Variants in KIAA1217 observed in about 807,000 individuals in gnomAD.
KIAA1217 encodes the protein KIAA1217.
KIAA1217 carries 88 observed loss-of-function variants against 163.9 expected under a neutral mutation model. The observed-to-expected ratio is 0.54, with a 90% CI of 0.45 to 0.64. KIAA1217 has a LOEUF of 0.64. KIAA1217 is among the 30% of genes least tolerant of loss of function. The pLI is 0.00. For missense variants in KIAA1217, 2,372 were observed against 2,475.0 expected, an observed-to-expected ratio of 0.96 and a Z score of 0.88; for synonymous variants, 903 against 923.1, an observed-to-expected ratio of 0.98 and a Z score of 0.39.
chr10:23,774,859 A>G (rs547577125), intron 1 of KIAA1217, among the ~76,000 whole-genome samples: 3 of 152,326 alleles, frequency 2.0e-5, no homozygotes. Context: ...AGAAAGCTTT[A>G]ACATTTTTTA....
At chr10:24,536,973 C>T (rs576560547) in intron 17 of KIAA1217, 80 bp downstream of exon 17, 5 of 1,520,350 alleles carry the variant, frequency 3.3e-6, no homozygotes, top group East Asian at 4.6e-5. Context: ...CTCTTATACT[C>T]GACCTTTGTC....
chr10:23,914,221 G>A (rs1842551767), intron 1 of KIAA1217, among the ~76,000 whole-genome samples: 1 of 152,168 alleles, frequency 6.6e-6, no homozygotes, highest in African/African-American at 2.4e-5. Flanking sequence ...TAGAGGCAGA[G>A]TGCAGCTTAC....
Position 23,744,427 on chromosome 10 carries a change from G to A in KIAA1217, c.-321+49193G>A, listed in dbSNP as rs942971954. 8.5e-5 allele frequency among the ~76,000 whole-genome samples: 13 copies of A among 152,300 alleles called. No individual in the cohort carries two copies. In the East Asian group the frequency reaches 2.5e-3, roughly 29 times the overall value. On this transcript the variant is annotated intron_variant, in intron 1 of 18. Transcript: ENST00000376462. ...CCTCAGAGGACACACTAGGGGAAGG[G>A]AAATTGAGGAGGTGTCAGTGGAAGG...
At chr10:24,497,027 A>G (rs1199949149) in intron 8 of KIAA1217, among the ~76,000 whole-genome samples, 1 of 152,154 alleles carries the variant, frequency 6.6e-6, no homozygotes, top group African/African-American at 2.4e-5. Flanking sequence ...CTAGGTTTGG[A>G]CTTTCTCACT....
At chr10:24,443,916 A>G (rs1030674906) in intron 5 of KIAA1217, among the ~76,000 whole-genome samples, 1 of 152,150 alleles carries the variant, frequency 6.6e-6, no homozygotes. Context: ...AAATGTTGAA[A>G]AATGTCAAAG....
At chr10:23,987,330 T>C (rs1846016940) in intron 1 of KIAA1217, among the ~76,000 whole-genome samples, 1 of 145,026 alleles carries the variant, frequency 6.9e-6, no homozygotes, top group Non-Finnish European at 1.5e-5. Context: ...TGAGCTGAGA[T>C]TGCAACACCG....
chr10:24,440,574 C>T (rs779800817), intron 5 of KIAA1217, among the ~76,000 whole-genome samples: 14 of 152,132 alleles, frequency 9.2e-5, no homozygotes, highest in Non-Finnish European at 2.1e-4. Context: ...GAATATTGAC[C>T]GTATGAACAA....
intron 2 of KIAA1217, among the ~76,000 whole-genome samples, chr10:24,296,357 C>G (rs1174372227): frequency 6.6e-6 from 1 of 152,156 alleles, no homozygotes; most frequent in Non-Finnish European, 1.5e-5. Flanking sequence ...GTCCTCCCGC[C>G]TAGGCTTTCC....
chr10:23,849,116 A>G (rs1839183339), intron 1 of KIAA1217, among the ~76,000 whole-genome samples: 1 of 152,108 alleles, frequency 6.6e-6, no homozygotes, highest in African/African-American at 2.4e-5. Context: ...TGTTGATACA[A>G]TTCTTCATAA....
chr10:24,085,677 A>G (rs1589437440), intron 2 of KIAA1217, among the ~76,000 whole-genome samples: 1 of 152,202 alleles, frequency 6.6e-6, no homozygotes, highest in Middle Eastern at 3.4e-3. Context: ...AGTTAAAAAA[A>G]AAAAAGTGCT....
rs531372586 is a variant in KIAA1217, at chr10:23,999,568, A to T, written c.-320-7657A>T. On this transcript the variant is annotated intron_variant, in intron 1 of 18. Coordinates refer to the KIAA1217 transcript ENST00000376462. The stretch of plus-strand genomic sequence containing the variant: ...GGCCAGGGATGGTGCAGAGATGGGG[A>T]AGGCGGAGGGAAACGTCTGAGAAGG... Among the ~76,000 whole-genome samples, 17 of 152,230 alleles carry T rather than the reference A, an allele frequency of 1.1e-4. No homozygotes were observed. The South Asian group carries it at 3.3e-3, about 30-fold the overall frequency.
intron 1 of KIAA1217, among the ~76,000 whole-genome samples, chr10:23,837,648 C>T (rs1838546106): frequency 6.6e-6 from 1 of 152,142 alleles, no homozygotes; most frequent in Non-Finnish European, 1.5e-5. Context: ...GTCCTCCCAT[C>T]TCAGCCTCTC....
intron 2 of KIAA1217, among the ~76,000 whole-genome samples, chr10:24,168,631 C>T (rs923460162): frequency 1.3e-5 from 2 of 152,078 alleles, no homozygotes; most frequent in South Asian, 2.1e-4. Context: ...GTGGGAAGAA[C>T]GAGCAGACTG....
At chr10:24,523,278 A>G (rs2071577915) in intron 12 of KIAA1217, among the ~76,000 whole-genome samples, 2 of 147,734 alleles carry the variant, frequency 1.4e-5, no homozygotes, top group African/African-American at 5.0e-5. Flanking sequence ...GCTAGGATTG[A>G]GCCACTGCAC....
chr10:23,946,375 G>A (rs1049460172), intron 1 of KIAA1217, among the ~76,000 whole-genome samples: 1 of 151,270 alleles, frequency 6.6e-6, no homozygotes, highest in East Asian at 1.9e-4. Flanking sequence ...AAAACAACCT[G>A]ACTGAGTCTC....
chr10:24,500,021 G>A (rs529386398), intron 8 of KIAA1217, among the ~76,000 whole-genome samples: 1 of 152,334 alleles, frequency 6.6e-6, no homozygotes, highest in African/African-American at 2.4e-5. Context: ...TGAGTTGTGT[G>A]TGCTGGAGCG....
chr10:23,847,635 C>G (rs1212946338), intron 1 of KIAA1217, among the ~76,000 whole-genome samples: 3 of 152,126 alleles, frequency 2.0e-5, no homozygotes, highest in Non-Finnish European at 4.4e-5. Flanking sequence ...GGCTATCGCT[C>G]TATCAATTTT....
chr10:24,192,374 A>G (rs2066763565), intron 2 of KIAA1217, among the ~76,000 whole-genome samples: 1 of 152,156 alleles, frequency 6.6e-6, no homozygotes, highest in Admixed American at 6.5e-5. Flanking sequence ...GGGAAAGGAT[A>G]AGGGGAAAGG....
At chr10:23,958,989 A>G (rs918396051) in intron 1 of KIAA1217, among the ~76,000 whole-genome samples, 2 of 149,508 alleles carry the variant, frequency 1.3e-5, no homozygotes, top group South Asian at 2.2e-4. Flanking sequence ...AGCCTGGAAG[A>G]TGTGCTCTGT....
Sources: allele counts gnomAD v4.1 joint callset (sites outside exome capture counted in the v4.1 genomes callset), GRCh38; gene constraint gnomAD v4.1.1; transcripts MANE v1.5; gene names NCBI Gene and HGNC (gene_info 2026-07-23, HGNC 2026-07-21).